TPTE2: variants seen among roughly 807,000 people sequenced by gnomAD.
TPTE2 encodes phosphatidylinositol 3,4,5-trisphosphate 3-phosphatase TPTE2.
TPTE2 carries 53 observed loss-of-function variants against 78.6 expected under a neutral mutation model. That is an observed-to-expected ratio of 0.67 (90% CI 0.54 to 0.85). TPTE2 has a LOEUF of 0.85. TPTE2 is among the 40% of genes least tolerant of loss of function. The probability of loss-of-function intolerance (pLI) is 0.00; values close to 1 mark genes in which losing one functional copy is unlikely to be tolerated. For missense variants in TPTE2, 461 were observed against 623.0 expected, an observed-to-expected ratio of 0.74 and a Z score of 2.77; for synonymous variants, 175 against 206.2, an observed-to-expected ratio of 0.85 and a Z score of 1.30.
At chr13:19,498,512 G>T (rs1045495492) in intron 1 of TPTE2, among the ~76,000 whole-genome samples, 14 of 152,054 alleles carry the variant, frequency 9.2e-5, no homozygotes, top group Middle Eastern at 3.4e-3. Flanking sequence ...TTAAAGAAAA[G>T]AATTTTCAAC....
Position 19,486,210 on chromosome 13 carries a change from G to A in TPTE2, c.120-3663C>T, listed in dbSNP as rs1201016495. On this transcript the variant is annotated intron_variant, in intron 3 of 19. Transcript: ENST00000400230. This position sits in a 1 kb window ranked among gnomAD's most constrained non-coding sequence, Gnocchi z 4.3. ...TAGGTCTCGGATGTCAGTTCATTGG[G>A]GTATACTGGCCTTGGTTCTACATGG... Among the ~76,000 whole-genome samples the A allele has an allele frequency of 6.6e-6, 1 of 151,770 alleles. No individual in the cohort carries two copies. The highest frequency in any genetic ancestry group is 1.5e-5 in the Non-Finnish European group (1 of 67,962).
chr13:19,456,286 G>A (rs536870753), intron 10 of TPTE2, among the ~76,000 whole-genome samples: 1 of 152,080 alleles, frequency 6.6e-6, no homozygotes, highest in South Asian at 2.1e-4. Context: ...GACCAGCTTG[G>A]GTCAGTGAGA....
At chr13:19,432,671 T>C (rs1443983135) in intron 15 of TPTE2, 93 bp from the exon 19 acceptor site, 3 of 686,660 alleles carry the variant, frequency 4.4e-6, no homozygotes, top group Non-Finnish European at 4.8e-6. Context: ...AGCTTGTTAA[T>C]GGAGGTAAGT....
intron 15 of TPTE2, among the ~76,000 whole-genome samples, chr13:19,433,808 A>T (rs1876862931): frequency 1.3e-5 from 2 of 152,202 alleles, no homozygotes; most frequent in African/African-American, 4.8e-5. Context: ...TTTTTCGGTG[A>T]ATCAGAAGAG....
At chr13:19,524,063 C>T (rs931422230) in intron 1 of TPTE2, among the ~76,000 whole-genome samples, 1 of 152,180 alleles carries the variant, frequency 6.6e-6, no homozygotes, top group Non-Finnish European at 1.5e-5. Context: ...TGCTCTGACA[C>T]ATTCCTGGGA....
At chr13:19,507,749 A>G (rs930836374), upstream of TPTE2, among the ~76,000 whole-genome samples, 11 of 152,188 alleles carry the variant, frequency 7.2e-5, no homozygotes, top group African/African-American at 2.7e-4. Context: ...GCTTCAGTCA[A>G]TTGCGGGTGG....
chr13:19,446,011 G>A (rs1381222830), intron 13 of TPTE2, among the ~76,000 whole-genome samples: 5 of 152,120 alleles, frequency 3.3e-5, no homozygotes, highest in Non-Finnish European at 4.4e-5. Context: ...TAGAAAAAAA[G>A]AGATTCCATT....
At chr13:19,528,009 C>G (rs1170467957) in intron 1 of TPTE2, among the ~76,000 whole-genome samples, 1 of 152,170 alleles carries the variant, frequency 6.6e-6, no homozygotes, top group East Asian at 1.9e-4. Flanking sequence ...TAAGACTGTT[C>G]TAAGGCCACA....
chr13:19,486,068 T>C lies in TPTE2; in HGVS notation c.120-3521A>G, dbSNP rs540936466. On this transcript the variant is annotated intron_variant, in intron 3 of 19. Coordinates refer to ENST00000400230, the Ensembl canonical transcript of TPTE2. This position sits in a 1 kb window ranked among gnomAD's most constrained non-coding sequence, Gnocchi z 4.3. ...ATTATTTCCCTTTGTAGATGACATG[T>C]TTTCTTGCATTTTCACGGTTGCTGT... 6.6e-5 allele frequency among the ~76,000 whole-genome samples: 10 copies of C among 152,326 alleles called. No homozygotes were observed. In the South Asian group the frequency reaches 2.1e-3, roughly 32 times the overall value.
Position 19,486,682 on chromosome 13 carries a change from G to A in TPTE2, c.120-4135C>T, listed in dbSNP as rs776881700. ...CCAGTCTGCTGGGGGAAACTCATGGGCCAAATATACAGCTGCATAGCTCCT... is the reference window on the plus strand; with the variant it reads ...CCAGTCTGCTGGGGGAAACTCATGGACCAAATATACAGCTGCATAGCTCCT... On this transcript the variant is annotated intron_variant, in intron 3 of 19. Coordinates refer to ENST00000400230, the Ensembl canonical transcript of TPTE2. The surrounding 1 kb of genome is among the most constrained non-coding windows in gnomAD (Gnocchi z 4.3). Among the ~76,000 whole-genome samples the A allele has an allele frequency of 7.9e-5, 12 of 152,176 alleles. No homozygotes were observed. Among genetic ancestry groups the A allele is most frequent in the Non-Finnish European group, 7.4e-5 (5 of 68,020 alleles).
chr13:19,437,766 A>G (rs1027469100), intron 14 of TPTE2, among the ~76,000 whole-genome samples: 5 of 152,062 alleles, frequency 3.3e-5, no homozygotes, highest in Admixed American at 2.0e-4. Context: ...GATATTGCAT[A>G]CATCATAGAT....
chr13:19,489,593 G>T (rs561853670), intron 3 of TPTE2, among the ~76,000 whole-genome samples: 2 of 148,744 alleles, frequency 1.3e-5, no homozygotes, highest in Non-Finnish European at 3.0e-5. Flanking sequence ...TGTATATATA[G>T]ATATATATAT....
chr13:19,428,851 T>C (rs1276977859), intron 17 of TPTE2, among the ~76,000 whole-genome samples: 1 of 152,152 alleles, frequency 6.6e-6, no homozygotes, highest in Non-Finnish European at 1.5e-5. Context: ...GTCAAGCTAC[T>C]GATGGAAAAA....
intron 1 of TPTE2, among the ~76,000 whole-genome samples, chr13:19,497,837 C>G (rs1202643921): frequency 6.7e-6 from 1 of 150,260 alleles, no homozygotes; most frequent in Non-Finnish European, 1.5e-5. Flanking sequence ...AGGCTTCAGA[C>G]GATCAAATTA....
chr13:19,498,838 A>G (rs1881566518), intron 1 of TPTE2, among the ~76,000 whole-genome samples: 1 of 152,168 alleles, frequency 6.6e-6, no homozygotes, highest in East Asian at 1.9e-4. Flanking sequence ...GCTCCAATCA[A>G]AAGACACAGA....
intron 1 of TPTE2, among the ~76,000 whole-genome samples, chr13:19,512,610 G>C (rs1397524024): frequency 6.8e-6 from 1 of 147,000 alleles, no homozygotes; most frequent in African/African-American, 2.5e-5. Context: ...ACAGAGTTTT[G>C]CTCTGTTGTC....
chr13:19,533,822 A>G (rs1309047719), intron 1 of TPTE2, among the ~76,000 whole-genome samples: 5 of 152,216 alleles, frequency 3.3e-5, no homozygotes, highest in Non-Finnish European at 7.3e-5. Context: ...ATTGTTGACA[A>G]TTAAGGAGCT....
chr13:19,502,660 AG>A (rs1240704615), intron 1 of TPTE2, among the ~76,000 whole-genome samples: 7 of 78,310 alleles, frequency 8.9e-5, no homozygotes, highest in Non-Finnish European at 1.7e-4. Context: ...GGGTAGGGGG[AG>A]GGGGGAGGGA....
intron 1 of TPTE2, among the ~76,000 whole-genome samples, chr13:19,512,397 A>G (rs1298012304): frequency 6.6e-6 from 1 of 152,186 alleles, no homozygotes; most frequent in Non-Finnish European, 1.5e-5. Context: ...GCTGTTAGAC[A>G]TTCTATTAAG....
Sources: allele counts gnomAD v4.1 joint callset (sites outside exome capture counted in the v4.1 genomes callset), GRCh38; gene constraint gnomAD v4.1.1; non-coding constraint Gnocchi (gnomAD v3.1); transcripts MANE v1.5; gene names NCBI Gene and HGNC (gene_info 2026-07-23, HGNC 2026-07-21).